Variants in ABR observed in about 807,000 individuals in gnomAD.
ABR encodes the protein ABR activator of RhoGEF and GTPase.
In ABR, 35 loss-of-function variants were observed where a neutral mutation model predicts 107.2. The observed-to-expected ratio is 0.33, with a 90% confidence interval of 0.25 to 0.43. The LOEUF is 0.43. Among genes scored for constraint, ABR ranks in the 20% least tolerant of loss-of-function variants. The pLI is 1.00. For synonymous variants in ABR, 498 were observed against 462.0 expected, an observed-to-expected ratio of 1.08 and a Z score of -1.00; for missense variants, 815 against 1,115.2, an observed-to-expected ratio of 0.73 and a Z score of 3.83.
chr17:1,065,098 C>T (rs376743296), intron 10 of ABR, among the ~76,000 whole-genome samples: 924 of 29,880 alleles, frequency 0.031, no homozygotes, highest in Non-Finnish European at 0.032. Flanking sequence ...CTAGACGCTG[C>T]TGTTACGTGA....
upstream of ABR, among the ~76,000 whole-genome samples, chr17:1,180,820 C>A (rs2042110337): frequency 6.6e-6 from 1 of 152,236 alleles, no homozygotes; most frequent in South Asian, 2.1e-4. Flanking sequence ...ATGCCTGTCT[C>A]CTGTGGGCTG....
At chr17:1,133,398 A>G (rs905811285) in intron 1 of ABR, among the ~76,000 whole-genome samples, 2 of 152,204 alleles carry the variant, frequency 1.3e-5, no homozygotes, top group African/African-American at 4.8e-5. Flanking sequence ...TGTAAGTCAC[A>G]GGGCTGTCTG....
chr17:1,085,158 G>A (rs1248068658), intron 4 of ABR, among the ~76,000 whole-genome samples: 1 of 139,284 alleles, frequency 7.2e-6, no homozygotes, highest in Non-Finnish European at 1.5e-5. Context: ...TGTCACCCAG[G>A]CTGGAATGCA....
In ABR at chr17:1,172,991, T is replaced by TCCACCCAACACATCACCTCAGC. The variant is rs2041775791; in HGVS notation, c.61+6675_61+6676insGCTGAGGTGATGTGTTGGGTGG. Reference sequence around the variant, plus strand: ...CAGCCCACCCAACACATCACCTCAGTCCACCCAACACATCACCTCAGTCCA... The same window carrying TCCACCCAACACATCACCTCAGC: ...CAGCCCACCCAACACATCACCTCAGTCCACCCAACACATCACCTCAGCCCACCCAACACATCACCTCAGTCCA... On this transcript the variant is annotated intron_variant, in intron 1 of 22. Coordinates refer to ENST00000302538, the MANE Select transcript of ABR (RefSeq NM_021962.5). Among the ~76,000 whole-genome samples the TCCACCCAACACATCACCTCAGC allele has an allele frequency of 3.1e-4, 5 of 16,138 alleles. 1 individual carries two copies. The highest frequency in any genetic ancestry group is 9.3e-4 in the Non-Finnish European group (3 of 3,238). 10.6% of individuals were successfully genotyped at this position (16,138 alleles called of 152,430 possible).
rs2099916 is a variant in ABR at position 1,157,127 on chromosome 17, T to G, written c.61+22540A>C. ...ACGGATGAGGAAACCGAAGCTCAGA[T>G]AGGTCAGATGACTGGCCCAAGGTCA... is the stretch of plus-strand genomic sequence containing the variant. On this transcript the variant is annotated intron_variant, in intron 1 of 22. Coordinates refer to ENST00000302538, the MANE Select transcript of ABR (RefSeq NM_021962.5). The surrounding 1 kb of genome is among the most constrained non-coding windows in gnomAD (Gnocchi z 4.7). 0.54 allele frequency among the ~76,000 whole-genome samples: 82,223 copies of G among 152,010 alleles called. 22,330 individuals carry two copies. The highest frequency in any genetic ancestry group is 0.64 in the East Asian group (3,314 of 5,180).
At chr17:1,060,560 C>T (rs1209735230) in intron 10 of ABR, among the ~76,000 whole-genome samples, 2 of 152,226 alleles carry the variant, frequency 1.3e-5, no homozygotes, top group Non-Finnish European at 2.9e-5. Flanking sequence ...CAGAAGAATA[C>T]ACCTCAAACT....
chr17:1,159,310 A>G (rs1231132504), intron 1 of ABR, among the ~76,000 whole-genome samples: 82 of 38,084 alleles, frequency 2.2e-3, no homozygotes, highest in East Asian at 3.2e-3. Flanking sequence ...ACTCACACAC[A>G]AGGGAAGTAA....
chr17:1,057,231 G>A, intron 12 of ABR, 129 bp from the exon 13 acceptor site: 2 of 628,836 alleles, frequency 3.2e-6, no homozygotes, highest in Admixed American at 2.6e-5. Context: ...GAGGGAGGGG[G>A]AAGGATTTGT....
intron 16 of ABR, among the ~76,000 whole-genome samples, chr17:1,021,130 G>A (rs2071590240): frequency 6.6e-6 from 1 of 152,172 alleles, no homozygotes. Context: ...AAGGCAGGTG[G>A]GACTTAGAAC....
Position 1,005,138 on chromosome 17 carries a change from A to G in ABR, c.*942T>C, listed in dbSNP as rs1174431020. 1 of 398,660 alleles carries G rather than the reference A, an allele frequency of 2.5e-6. No homozygotes were observed. Among genetic ancestry groups the G allele is most frequent in the Non-Finnish European group, 4.4e-6 (1 of 226,240 alleles). The allele number at this position is 398,660 out of a possible 1,614,324, so 24.7% of individuals were successfully genotyped here. A position where few individuals can be genotyped will look rare whatever the true frequency, so the allele number is the denominator to read the frequency against. ...GTTCAGCCTGTGGTGTTTCCTCAGC[A>G]GCCTGACCGCCTCCTCCCCCATTCT... On this transcript the variant is annotated 3_prime_UTR_variant, in exon 23 of 23. Coordinates refer to ENST00000302538, the MANE Select transcript of ABR (RefSeq NM_021962.5).
At position 1,050,506 on chromosome 17, in the gene ABR, C is replaced by G. The variant is rs755940566; in HGVS notation, c.1659+31G>C. The G allele has an allele frequency of 6.3e-7, 1 of 1,595,800 alleles. No homozygotes were observed. Among genetic ancestry groups the G allele is most frequent in the South Asian group, 1.1e-5 (1 of 90,698 alleles). On this transcript the variant is annotated intron_variant, in intron 15 of 22. Transcript: ENST00000302538. This position sits in a 1 kb window ranked among gnomAD's most constrained non-coding sequence, Gnocchi z 4.6. Reference sequence around the variant, plus strand: ...AGCCACGAGCACGGGGTGGTGGGGTCCCCACAGAGATGCCAGCCCCTGCCA... The same window carrying G: ...AGCCACGAGCACGGGGTGGTGGGGTGCCCACAGAGATGCCAGCCCCTGCCA...
rs961941497 is a variant in ABR, at chr17:1,010,948, C to T, written c.2102-85G>A. On this transcript the variant is annotated intron_variant, in intron 19 of 22. Coordinates refer to ENST00000302538, the MANE Select transcript of ABR (RefSeq NM_021962.5). The surrounding 1 kb of genome is among the most constrained non-coding windows in gnomAD (Gnocchi z 4.1). ...CCGACCCATCCTGACACAGCCCCCA[C>T]CCACTCCAGCTCTGGTTCTGGTCTC... The T allele has an allele frequency of 6.5e-7, 1 of 1,549,390 alleles. No homozygotes were observed. The highest frequency in any genetic ancestry group is 1.4e-5 in the African/African-American group (1 of 74,020).
intron 16 of ABR, among the ~76,000 whole-genome samples, chr17:1,018,424 G>A (rs1473344225): frequency 6.6e-6 from 1 of 152,194 alleles, no homozygotes; most frequent in East Asian, 1.9e-4. Flanking sequence ...ACCCCTTCTT[G>A]AGGCAGGTCT....
chr17:1,142,021 G>A (rs532805225), intron 1 of ABR, among the ~76,000 whole-genome samples: 1 of 151,956 alleles, frequency 6.6e-6, no homozygotes, highest in South Asian at 2.1e-4. Flanking sequence ...GCCTCCCAAA[G>A]TGCTGGGATT....
chr17:1,061,304 G>T (rs2033896768), intron 10 of ABR, among the ~76,000 whole-genome samples: 1 of 152,198 alleles, frequency 6.6e-6, no homozygotes, highest in Admixed American at 6.5e-5. Context: ...ATGCTCCTGG[G>T]CGGGCACTGT....
At chr17:1,026,474 G>A (rs1480745706) in intron 16 of ABR, among the ~76,000 whole-genome samples, 1 of 152,180 alleles carries the variant, frequency 6.6e-6, no homozygotes, top group African/African-American at 2.4e-5. Context: ...TCCAGATTTC[G>A]GCTCAGGAGC....
chr17:1,073,077 G>A (rs1465077129), intron 7 of ABR, among the ~76,000 whole-genome samples: 1 of 151,676 alleles, frequency 6.6e-6, no homozygotes, highest in Non-Finnish European at 1.5e-5. Context: ...CTACTCGGGA[G>A]GCTGAGGCAG....
chr17:1,087,559 T>G (rs2036688862), intron 4 of ABR, among the ~76,000 whole-genome samples: 1 of 151,020 alleles, frequency 6.6e-6, no homozygotes, highest in Non-Finnish European at 1.5e-5. Context: ...GGGCCTGAGT[T>G]TTAAAGGGGG....
At chr17:1,136,009 A>G (rs1471617873) in intron 1 of ABR, among the ~76,000 whole-genome samples, 3 of 151,910 alleles carry the variant, frequency 2.0e-5, no homozygotes, top group Admixed American at 6.6e-5. Context: ...CATTACTCCT[A>G]AAGTCCCTGG....
Sources: gnomAD v4.1 joint callset for allele counts (sites outside exome capture counted in the v4.1 genomes callset) on GRCh38, gnomAD v4.1.1 for gene constraint, Gnocchi (gnomAD v3.1) non-coding constraint, MANE v1.5 for transcripts, NCBI Gene and HGNC (gene_info 2026-07-23, HGNC 2026-07-21) for gene names.